Variants in PHF8 observed in about 807,000 individuals in gnomAD.
PHF8 encodes PHD finger protein 8.
PHF8 carries 9 observed loss-of-function variants against 74.4 expected under a neutral mutation model. The observed-to-expected ratio is 0.12, with a 90% CI of 0.07 to 0.21. The LOEUF (loss-of-function observed/expected upper bound fraction) is 0.21. PHF8 is among the 10% of genes least tolerant of loss of function. The pLI is 1.00. For missense variants in PHF8, 478 were observed against 816.6 expected, an observed-to-expected ratio of 0.59 and a Z score of 5.05; for synonymous variants, 311 against 316.6, an observed-to-expected ratio of 0.98 and a Z score of 0.19.
At chrX:54,020,503 T>C (rs1468210838) in intron 4 of PHF8, among the ~76,000 whole-genome samples, 4 of 111,550 alleles carry the variant, frequency 3.6e-5, no homozygotes, top group African/African-American at 1.3e-4. Context: ...ATCTCAAATA[T>C]ATATTTTTTT....
chrX:53,948,510 T>C (rs781785136), intron 19 of PHF8, among the ~76,000 whole-genome samples: 205 of 110,696 alleles, frequency 1.9e-3, no homozygotes, highest in African/African-American at 6.3e-3. Context: ...TGACCTCAAA[T>C]GATCCACCTG....
At chrX:53,962,035 T>C (rs942353026) in intron 19 of PHF8, among the ~76,000 whole-genome samples, 5 of 112,143 alleles carry the variant, frequency 4.5e-5, no homozygotes, top group African/African-American at 1.3e-4. Context: ...CCTCTCTTGC[T>C]GCTAGAAACC....
intron 19 of PHF8, among the ~76,000 whole-genome samples, chrX:53,959,398 A>T (rs1243282401): frequency 1.8e-5 from 2 of 111,536 alleles, no homozygotes; most frequent in African/African-American, 6.5e-5. Flanking sequence ...GATTCACCTA[A>T]TTCTGATTCA....
At chrX:54,026,012 G>C (rs1360680458) in intron 2 of PHF8, among the ~76,000 whole-genome samples, 4 of 111,430 alleles carry the variant, frequency 3.6e-5, no homozygotes, top group African/African-American at 1.3e-4. Context: ...GATGTGGCTA[G>C]AGAAAAATAA....
At chrX:54,038,859 G>A (rs1409136923) in intron 2 of PHF8, among the ~76,000 whole-genome samples, 2 of 111,299 alleles carry the variant, frequency 1.8e-5, no homozygotes, top group African/African-American at 3.3e-5. Flanking sequence ...ACTAGAGGCC[G>A]GGCATGGTGG....
intron 20 of PHF8, chrX:53,943,330 G>A (rs1557084110): frequency 1.2e-6 from 1 of 852,451 alleles, no homozygotes; most frequent in African/African-American, 2.0e-5. Context: ...TAGAGGATAT[G>A]AGTTTGAGTT....
chrX:53,944,102 G>T, intron 20 of PHF8, 32 bp downstream of exon 20: 1 of 913,242 alleles, frequency 1.1e-6, no homozygotes. Context: ...ACTGCTATTA[G>T]TTGCAGGGTG....
chrX:54,023,023 T>C (rs1557110427), intron 2 of PHF8, among the ~76,000 whole-genome samples, 180 bp from the exon 3 acceptor site: 1 of 112,484 alleles, frequency 8.9e-6, no homozygotes, highest in Non-Finnish European at 1.9e-5. Context: ...GGGGTTACTG[T>C]ATTAGGCAGT....
rs1323715961 is a variant in PHF8, at chrX:53,937,552, T to C, written c.*1606A>G. 3 of 117,967 alleles carry C rather than the reference T, an allele frequency of 2.5e-5. No homozygotes were observed. The highest frequency in any genetic ancestry group is 9.8e-5 in the African/African-American group (3 of 30,622). 9.7% of individuals were successfully genotyped at this position (117,967 alleles called of 1,213,427 possible). A position where few individuals can be genotyped will look rare whatever the true frequency, so the allele number is the denominator to read the frequency against. On this transcript the variant is annotated 3_prime_UTR_variant, in exon 22 of 22. Transcript: ENST00000338154. ...GGGGAGGTAGCCAGGCTTTTTGCCT[T>C]TGGTGTGACTAGATGGAGAACTGCT...
rs1392794071 is a variant in PHF8, at chrX:54,044,210, G to A, written c.-541C>T. The stretch of plus-strand genomic sequence containing the variant: ...GGCAAGTGGCGTCGTCGCTGGGCCG[G>A]CAGGAGATACTCGCGAGCAAACCAA... On this transcript the variant is annotated 5_prime_UTR_variant, in exon 1 of 22. Coordinates refer to ENST00000338154, the MANE Select transcript of PHF8 (RefSeq NM_015107.3). 6 of 754,116 alleles carry A rather than the reference G, an allele frequency of 8.0e-6. No individual in the cohort carries two copies. Among genetic ancestry groups the A allele is most frequent in the Non-Finnish European group, 9.4e-6 (6 of 639,243 alleles). The allele number at this position is 754,116 out of a possible 1,213,427, so 62.1% of individuals were successfully genotyped here. A position where few individuals can be genotyped will look rare whatever the true frequency, so the allele number is the denominator to read the frequency against.
chrX:53,991,448 G>A (rs2065658781), intron 14 of PHF8, among the ~76,000 whole-genome samples: 1 of 109,162 alleles, frequency 9.2e-6, no homozygotes, highest in Non-Finnish European at 1.9e-5. Context: ...GATCACTCGA[G>A]GCCAGGAGTT....
chrX:53,950,822 T>C (rs972304429), intron 19 of PHF8, among the ~76,000 whole-genome samples: 13 of 112,321 alleles, frequency 1.2e-4, no homozygotes. Flanking sequence ...AAAATCTGAT[T>C]TTCAGAGTTG....
intron 14 of PHF8, among the ~76,000 whole-genome samples, chrX:53,988,503 A>G (rs1299756486): frequency 9.0e-6 from 1 of 111,730 alleles, no homozygotes; most frequent in Non-Finnish European, 1.9e-5. Flanking sequence ...GGATTAAGTA[A>G]AATTAAAAAT....
rs782309084 is a variant in PHF8, at chrX:54,037,101, A to T, written c.98+5530T>A. Among the ~76,000 whole-genome samples, 17 of 111,634 alleles carry T rather than the reference A, an allele frequency of 1.5e-4. No homozygotes were observed. In the South Asian group the frequency reaches 6.3e-3, roughly 41 times the overall value. On this transcript the variant is annotated intron_variant, in intron 2 of 21. Coordinates refer to ENST00000338154, the MANE Select transcript of PHF8 (RefSeq NM_015107.3). ...CAAAATAAACCAAAGGAGGAAAAAA[A>T]TAGTAAAGGCAGAGATCTATTAAAT...
chrX:54,041,388 TAAAAAAAA>T (rs370388675), intron 2 of PHF8, among the ~76,000 whole-genome samples: 1 of 43,524 alleles, frequency 2.3e-5, no homozygotes, highest in Non-Finnish European at 4.7e-5. Flanking sequence ...TTGTCTCAAA[TAAAAAAAA>T]AAAAAAAAGA....
In PHF8 at chrX:54,017,791, T is replaced by C; in HGVS notation, c.324A>G (p.Gly108=). 8.3e-7 allele frequency: 1 copy of C among 1,210,754 alleles called. No homozygotes were observed. ...SSDEVILKPT[G]NQLTVEFLEE... ...CCAGGAATTCCACGGTCAGTTGATTTCCAGTGGGCTTCAGAATCACTTCAT... is the reference window on the plus strand; with the variant it reads ...CCAGGAATTCCACGGTCAGTTGATTCCCAGTGGGCTTCAGAATCACTTCAT... The change falls in exon 5 of 22, where the codon GGA becomes GGG. Residue 108 remains glycine, a synonymous_variant. Coordinates refer to ENST00000338154, the MANE Select transcript of PHF8 (RefSeq NM_015107.3).
intron 8 of PHF8, among the ~76,000 whole-genome samples, chrX:54,007,063 T>C (rs1255999916): frequency 8.9e-6 from 1 of 111,847 alleles, no homozygotes; most frequent in African/African-American, 3.3e-5. Flanking sequence ...GGTGTGACAC[T>C]GTTAGAAGGA....
chrX:53,980,716 C>T (rs942953102), intron 18 of PHF8, among the ~76,000 whole-genome samples: 1 of 112,097 alleles, frequency 8.9e-6, no homozygotes, highest in African/African-American at 3.2e-5. Flanking sequence ...TACTGTCCTC[C>T]GTATTAGCAA....
At chrX:54,007,459 T>A (rs1021303652) in intron 8 of PHF8, among the ~76,000 whole-genome samples, 11 of 111,965 alleles carry the variant, frequency 9.8e-5, no homozygotes, top group African/African-American at 3.6e-4. Context: ...ATCAAAAAAG[T>A]GACAAGACAA....
Sources: allele counts gnomAD v4.1 joint callset (sites outside exome capture counted in the v4.1 genomes callset), GRCh38; gene constraint gnomAD v4.1.1; transcripts MANE v1.5; gene names NCBI Gene and HGNC (gene_info 2026-07-23, HGNC 2026-07-21).